Variants in TPX2 observed in about 807,000 individuals in gnomAD.
The protein encoded by TPX2 is TPX2 microtubule nucleation factor.
TPX2 carries 21 observed loss-of-function variants against 93.6 expected under a neutral mutation model. The observed-to-expected ratio is 0.22, with a 90% CI of 0.16 to 0.32. TPX2 has a LOEUF of 0.32. TPX2 is among the 10% of genes least tolerant of loss of function. The pLI is 1.00. For synonymous variants in TPX2, 281 were observed against 298.3 expected (o/e 0.94, Z 0.60); for missense variants, 776 against 871.1 (o/e 0.89, Z 1.37).
At chr20:31,798,683 A>C in intron 17 of TPX2, 131 bp downstream of exon 17, 1 of 1,135,738 alleles carries the variant, frequency 8.8e-7, no homozygotes, top group African/African-American at 1.6e-5. Flanking sequence ...GAAAGGGGGA[A>C]TTGCACAAAC....
At chr20:31,797,379 A>G (rs759148102) in intron 15 of TPX2, 25 bp from the exon 16 acceptor site, 15 of 1,611,216 alleles carry the variant, frequency 9.3e-6, no homozygotes, top group Admixed American at 3.3e-5. Flanking sequence ...GACATTGCTC[A>G]TCTGACTGAC....
At position 31,766,808 on chromosome 20, in the gene TPX2, TTTTTTTTTGAGACG is replaced by T; in HGVS notation, c.356+127_356+140del. ...ACCTTTATGTTACTTTTTTTTTTTT[TTTTTTTTTGAGACG>T]GAGTGTTTCGCTCTTTTGCCCAGGC... On this transcript the variant is annotated intron_variant, in intron 5 of 17. Transcript: ENST00000300403. 2.7e-6 allele frequency: 3 copies of T among 1,123,114 alleles called. No homozygotes were observed. The South Asian group carries it at 7.5e-5, about 28-fold the overall frequency. 69.6% of individuals were successfully genotyped at this position (1,123,114 alleles called of 1,614,324 possible). A position where few individuals can be genotyped will look rare whatever the true frequency, so the allele number is the denominator to read the frequency against.
chr20:31,771,114 C>A (rs758697229), intron 6 of TPX2, among the ~76,000 whole-genome samples: 1 of 152,188 alleles, frequency 6.6e-6, no homozygotes, highest in African/African-American at 2.4e-5. Context: ...AATTTCATTT[C>A]ATTCGCCTAG....
At chr20:31,781,613 T>C (rs556743893) in intron 10 of TPX2, among the ~76,000 whole-genome samples, 2 of 151,978 alleles carry the variant, frequency 1.3e-5, no homozygotes, top group East Asian at 3.9e-4. Context: ...TTTTTTGTGT[T>C]AATAACAAGC....
chr20:31,782,845 T>C (rs566719446), intron 11 of TPX2, among the ~76,000 whole-genome samples: 2 of 150,584 alleles, frequency 1.3e-5, no homozygotes, highest in Admixed American at 6.7e-5. Flanking sequence ...GCCAATATAC[T>C]CCAGCTTGGG....
At position 31,794,461 on chromosome 20, in the gene TPX2, G is replaced by C. The variant is rs1173619546; in HGVS notation, c.1746G>C (p.Lys582Asn). 1 of 1,614,184 alleles carries C rather than the reference G, an allele frequency of 6.2e-7. No individual in the cohort carries two copies. The highest frequency in any genetic ancestry group is 8.5e-7 in the Non-Finnish European group (1 of 1,180,042). The change falls in exon 15 of 18, where the codon AAG (lysine) becomes AAC (asparagine). Residue 582 changes from lysine to asparagine, a missense_variant. By Grantham distance (94) the Lys-to-Asn change is moderately conservative (BLOSUM62 0). Transcript: ENST00000300403. ...PHFDTINLPE[K>N]KVKNVTQIEP... ...TTGACACCATTAACCTGCCAGAGAA[G>C]AAGGTAAAGAATGTGACCCAGATTG...
chr20:31,783,901 A>G lies in TPX2; in HGVS notation c.1393A>G (p.Lys465Glu), dbSNP rs2062049800. The G allele has an allele frequency of 6.2e-7, 1 of 1,612,874 alleles. No individual in the cohort carries two copies. Among genetic ancestry groups the G allele is most frequent in the Non-Finnish European group, 8.5e-7 (1 of 1,179,842 alleles). Residue 465 changes from lysine to glutamate, a missense_variant, in exon 12 of 18, where the codon AAG (lysine) becomes GAG (glutamate). Transcript: ENST00000300403. ...ATTTCATTCCAGACCTTGCCCTACT[A>G]AGATTTTGGAAGATGTTGTGGTAAG... Reference protein sequence around the residue: ...FEFHSRPCPTKILEDVVGVPE... With the variant: ...FEFHSRPCPTEILEDVVGVPE...
rs565603454 is a variant in TPX2 at position 31,796,851 on chromosome 20, T to G, written c.1834-553T>G. Among the ~76,000 whole-genome samples the G allele has an allele frequency of 1.7e-4, 26 of 151,956 alleles. No individual in the cohort carries two copies. In the Middle Eastern group the frequency reaches 0.014, roughly 80 times the overall value. On this transcript the variant is annotated intron_variant, in intron 15 of 17. Coordinates refer to ENST00000300403, the MANE Select transcript of TPX2 (RefSeq NM_012112.5). ...TTAAAAGTACCTTTAAAATTTTTTGTTTTTTTTAATTGACAAATAATAGTT... is the reference window on the plus strand; with the variant it reads ...TTAAAAGTACCTTTAAAATTTTTTGGTTTTTTTAATTGACAAATAATAGTT...
chr20:31,769,419 C>T (rs1388710989), intron 5 of TPX2, among the ~76,000 whole-genome samples: 6 of 150,898 alleles, frequency 4.0e-5, no homozygotes, highest in East Asian at 2.0e-4. Context: ...CCCGGGTTCA[C>T]GCCATTCTCC....
chr20:31,748,744 C>G (rs1390714895), intron 2 of TPX2, among the ~76,000 whole-genome samples: 1 of 152,118 alleles, frequency 6.6e-6, no homozygotes, highest in Non-Finnish European at 1.5e-5. Context: ...TGTAACTTCT[C>G]TGAGCTTGTT....
chr20:31,783,544 C>T (rs1568599967), intron 11 of TPX2, among the ~76,000 whole-genome samples, 161 bp from the exon 12 acceptor site: 1 of 152,158 alleles, frequency 6.6e-6, no homozygotes, highest in East Asian at 1.9e-4. Context: ...AGCCACCGTG[C>T]CTGGCCCATT....
intron 7 of TPX2, among the ~76,000 whole-genome samples, chr20:31,774,668 G>C (rs1289579441): frequency 6.6e-6 from 1 of 152,200 alleles, no homozygotes; most frequent in Non-Finnish European, 1.5e-5. Flanking sequence ...AAATGACAGG[G>C]TTGGGATTTA....
At chr20:31,748,489 T>G (rs2061797882) in intron 2 of TPX2, among the ~76,000 whole-genome samples, 1 of 152,206 alleles carries the variant, frequency 6.6e-6, no homozygotes. Context: ...TCCAAATATA[T>G]TTATAACAGG....
At chr20:31,754,163 G>A (rs903499086) in intron 2 of TPX2, among the ~76,000 whole-genome samples, 2 of 151,878 alleles carry the variant, frequency 1.3e-5, no homozygotes, top group Non-Finnish European at 2.9e-5. Flanking sequence ...GCAGTGGTGC[G>A]GTCTTGGCTC....
chr20:31,792,360 A>G (rs749499458), intron 12 of TPX2, among the ~76,000 whole-genome samples: 1 of 152,208 alleles, frequency 6.6e-6, no homozygotes, highest in Admixed American at 6.5e-5. Context: ...CTCTGTCTCA[A>G]AACAAACAAA....
At chr20:31,776,342 A>G (rs1391315128) in intron 8 of TPX2, among the ~76,000 whole-genome samples, 1 of 151,184 alleles carries the variant, frequency 6.6e-6, no homozygotes, top group African/African-American at 2.4e-5. Context: ...GGCCTCCCAA[A>G]GTGCTGGGAT....
chr20:31,751,750 A>C (rs1048316464), intron 2 of TPX2, among the ~76,000 whole-genome samples: 4 of 152,190 alleles, frequency 2.6e-5, no homozygotes, highest in African/African-American at 9.6e-5. Flanking sequence ...AATAATTATT[A>C]TTATTTTCTG....
intron 3 of TPX2, among the ~76,000 whole-genome samples, chr20:31,759,395 C>CTTTT (rs2061873023): frequency 7.9e-6 from 1 of 126,606 alleles, no homozygotes; most frequent in Non-Finnish European, 1.6e-5. Flanking sequence ...AGTTTTCTTT[C>CTTTT]GTTTTTTTTT....
At chr20:31,749,437 A>T (rs1446190414) in intron 2 of TPX2, among the ~76,000 whole-genome samples, 1 of 152,196 alleles carries the variant, frequency 6.6e-6, no homozygotes, top group Non-Finnish European at 1.5e-5. Flanking sequence ...TATTGTGAGG[A>T]TTTAGTGAGT....
Sources: allele counts gnomAD v4.1 joint callset (sites outside exome capture counted in the v4.1 genomes callset), GRCh38; gene constraint gnomAD v4.1.1; transcripts MANE v1.5; gene names NCBI Gene and HGNC (gene_info 2026-07-23, HGNC 2026-07-21).